Variants in PDE3B observed in about 807,000 individuals in gnomAD.
The protein encoded by PDE3B is cGMP-inhibited 3',5'-cyclic phosphodiesterase 3B.
Under a neutral mutation model 116.8 loss-of-function variants are expected in PDE3B, and 66 were observed. That is an observed-to-expected ratio of 0.56 (90% CI 0.46 to 0.69). The LOEUF (loss-of-function observed/expected upper bound fraction) is 0.69. Ranked by LOEUF, PDE3B falls within the 30% of genes least tolerant of loss-of-function variation. PDE3B has a pLI of 0.00. For synonymous variants in PDE3B, 595 were observed against 533.6 expected, an observed-to-expected ratio of 1.12 and a Z score of -1.59; for missense variants, 1,384 against 1,368.1, an observed-to-expected ratio of 1.01 and a Z score of -0.18.
Position 14,722,014 on chromosome 11 carries a change from G to A in PDE3B, c.979-49923G>A, listed in dbSNP as rs191542779. Among the ~76,000 whole-genome samples the A allele has an allele frequency of 3.0e-3, 461 of 151,168 alleles. 2 individuals are homozygous for A. The highest frequency in any genetic ancestry group is 0.017 in the Middle Eastern group (5 of 286). ...ATGATGAGTTCATGTCCTTTGTAGGGACATGGATGAAGCTGGAAACCAGTC... is the reference window on the plus strand; with the variant it reads ...ATGATGAGTTCATGTCCTTTGTAGGAACATGGATGAAGCTGGAAACCAGTC... On this transcript the variant is annotated intron_variant, in intron 1 of 15. Transcript: ENST00000282096.
intron 14 of PDE3B, among the ~76,000 whole-genome samples, chr11:14,862,896 TA>T (rs1298771073): frequency 6.6e-6 from 1 of 152,136 alleles, no homozygotes; most frequent in Admixed American, 6.5e-5. Context: ...AATTTTTTTT[TA>T]AATTATTCTT....
intron 2 of PDE3B, chr11:14,776,223 G>A (rs1241650267): frequency 6.6e-6 from 1 of 152,234 alleles, no homozygotes; most frequent in African/African-American, 2.4e-5. Context: ...GGCAAGTCTG[G>A]TGGCTCTAGC....
At chr11:14,833,444 T>A (rs918305660) in intron 10 of PDE3B, among the ~76,000 whole-genome samples, 1 of 152,204 alleles carries the variant, frequency 6.6e-6, no homozygotes, top group African/African-American at 2.4e-5. Flanking sequence ...CTTTTTCACC[T>A]GGTTGTTATA....
At chr11:14,861,055 A>AT in intron 13 of PDE3B, 150 bp from the exon 14 acceptor site, 1 of 575,462 alleles carries the variant, frequency 1.7e-6, no homozygotes, top group East Asian at 3.2e-5. Context: ...ATATTATGGA[A>AT]TAAGCTGATT....
At chr11:14,718,654 C>A (rs1299875546) in intron 1 of PDE3B, among the ~76,000 whole-genome samples, 1 of 150,504 alleles carries the variant, frequency 6.6e-6, no homozygotes, top group Non-Finnish European at 1.5e-5. Context: ...AACTGAACAA[C>A]CTGCTCCTGA....
intron 1 of PDE3B, among the ~76,000 whole-genome samples, chr11:14,746,748 A>G (rs934106793): frequency 6.6e-5 from 10 of 152,240 alleles, no homozygotes; most frequent in African/African-American, 2.4e-4. Flanking sequence ...AATAGTGGCA[A>G]GAGTATGACC....
chr11:14,647,853 A>G (rs1350199056), intron 1 of PDE3B, among the ~76,000 whole-genome samples: 1 of 151,726 alleles, frequency 6.6e-6, no homozygotes, highest in Non-Finnish European at 1.5e-5. Flanking sequence ...TTTGTAAAAC[A>G]TTTGATTTTA....
intron 1 of PDE3B, among the ~76,000 whole-genome samples, chr11:14,652,521 T>G (rs1853598419): frequency 6.6e-6 from 1 of 152,180 alleles, no homozygotes; most frequent in South Asian, 2.1e-4. Flanking sequence ...GCAAAAAATG[T>G]CATTGGGGTT....
In PDE3B at chr11:14,751,731, G is replaced by T. The variant is rs564400783; in HGVS notation, c.979-20206G>T. ...GTTTTGACAGCAGAAACTAGATTCT[G>T]CTGTGACATCCTGAAAAGTGTTCAG... On this transcript the variant is annotated intron_variant, in intron 1 of 15. Transcript: ENST00000282096. Among the ~76,000 whole-genome samples the T allele has an allele frequency of 2.6e-5, 4 of 152,270 alleles. No individual in the cohort carries two copies. In the South Asian group the frequency reaches 8.3e-4, roughly 32 times the overall value.
Position 14,643,917 on chromosome 11 carries a change from C to T in PDE3B, c.-159C>T, listed in dbSNP as rs1489459701. ...GTCCCGGACTCCGCCGCTCCTCAGTCCGCGCGGTGGGGACCCCGGGCCGTG... is the reference window on the plus strand; with the variant it reads ...GTCCCGGACTCCGCCGCTCCTCAGTTCGCGCGGTGGGGACCCCGGGCCGTG... On this transcript the variant is annotated 5_prime_UTR_variant, in exon 1 of 16. Transcript: ENST00000282096. 7.1e-6 allele frequency: 8 copies of T among 1,119,340 alleles called. 1 individual carries two copies. In the South Asian group the frequency reaches 1.1e-4, roughly 15 times the overall value. The allele number at this position is 1,119,340 out of a possible 1,614,324, so 69.3% of individuals were successfully genotyped here.
chr11:14,765,451 A>G (rs1212570188), intron 1 of PDE3B, among the ~76,000 whole-genome samples: 1 of 151,900 alleles, frequency 6.6e-6, no homozygotes. Context: ...TCAAACAGAA[A>G]CTTTTATCAG....
chr11:14,708,559 A>G (rs1855600721), intron 1 of PDE3B, among the ~76,000 whole-genome samples: 1 of 152,118 alleles, frequency 6.6e-6, no homozygotes, highest in Non-Finnish European at 1.5e-5. Flanking sequence ...TTCTATAAGC[A>G]GTACTATAAA....
chr11:14,885,921 TGAGAA>T, the PDE3B span: 11 of 1,612,690 alleles, frequency 6.8e-6, no homozygotes, highest in Admixed American at 5.0e-5. Flanking sequence ...TGAAGATCTT[TGAGAA>T]GAGAAGAAAA....
intron 12 of PDE3B, among the ~76,000 whole-genome samples, chr11:14,852,752 G>A (rs1847778416): frequency 6.6e-6 from 1 of 152,036 alleles, no homozygotes; most frequent in African/African-American, 2.4e-5. Context: ...GTTTCAGTGT[G>A]TTGCATCACT....
intron 4 of PDE3B, among the ~76,000 whole-genome samples, chr11:14,802,427 C>T (rs960652792): frequency 1.3e-5 from 2 of 152,156 alleles, no homozygotes; most frequent in African/African-American, 4.8e-5. Flanking sequence ...CTTGCCCTTC[C>T]CAAGTGAGGT....
At position 14,831,766 on chromosome 11, in the gene PDE3B, A is replaced by G. The variant is rs762702362; in HGVS notation, c.2083A>G (p.Ile695Val). The change falls in exon 9 of 16, where the codon ATT becomes GTT. Residue 695 changes from isoleucine (I) to valine (V), a missense_variant. Around this residue, in one of 2 missense-constraint regions of PDE3B, gnomAD observed 428 missense variants for 561.4 expected, o/e 0.76. Transcript: ENST00000282096. ...VEKMGEKSGRILSQVMYTLFQ... is the reference protein window; with the variant it reads ...VEKMGEKSGRVLSQVMYTLFQ... Reference sequence around the variant, plus strand: ...AAAGATGGGAGAGAAATCAGGAAGGATTCTCAGTCAGGTTTGCTTTCAAAT... The same window carrying G: ...AAAGATGGGAGAGAAATCAGGAAGGGTTCTCAGTCAGGTTTGCTTTCAAAT... 2 of 1,602,428 alleles carry G rather than the reference A, an allele frequency of 1.2e-6. No homozygotes were observed. The highest frequency in any genetic ancestry group is 2.3e-5 in the East Asian group (1 of 44,394).
At chr11:14,878,082 C>T in the PDE3B span, 2 of 1,606,296 alleles carry the variant, frequency 1.2e-6, no homozygotes, top group East Asian at 2.2e-5. Context: ...AGGGATAAGG[C>T]AAATATACAT....
At chr11:14,774,754 C>G (rs1335094247) in intron 2 of PDE3B, 1 of 152,204 alleles carries the variant, frequency 6.6e-6, no homozygotes, top group Non-Finnish European at 1.5e-5. Context: ...GTTATCATGT[C>G]ACTCTCTTGC....
intron 1 of PDE3B, among the ~76,000 whole-genome samples, chr11:14,693,073 A>T (rs1189659441): frequency 6.6e-6 from 1 of 152,200 alleles, no homozygotes; most frequent in African/African-American, 2.4e-5. Context: ...TCTGGATAGA[A>T]AATCAAACCA....
Sources: allele counts gnomAD v4.1 joint callset (sites outside exome capture counted in the v4.1 genomes callset), GRCh38; gene constraint gnomAD v4.1.1; regional missense constraint gnomAD v4.1.1; transcripts MANE v1.5; gene names NCBI Gene and HGNC (gene_info 2026-07-23, HGNC 2026-07-21).